DMRT1: variants seen among roughly 807,000 people sequenced by gnomAD.
DMRT1 encodes the protein doublesex and mab-3 related transcription factor 1.
DMRT1 carries 7 observed loss-of-function variants against 32.3 expected under a neutral mutation model. The ratio of observed to expected loss-of-function variants is 0.22; its 90% CI spans 0.12 to 0.41. The LOEUF (loss-of-function observed/expected upper bound fraction) is 0.41. Among genes scored for constraint, DMRT1 ranks in the 10% least tolerant of loss-of-function variants. The pLI, the probability that DMRT1 is intolerant of heterozygous loss-of-function variation, is 1.00. For synonymous variants in DMRT1, 278 were observed against 206.1 expected, an observed-to-expected ratio of 1.35 and a Z score of -2.99; for missense variants, 625 against 500.5, an observed-to-expected ratio of 1.25 and a Z score of -2.37.
At chr9:924,590 G>C (rs376072475) in intron 4 of DMRT1, among the ~76,000 whole-genome samples, 3 of 152,226 alleles carry the variant, frequency 2.0e-5, no homozygotes, top group East Asian at 1.9e-4. Context: ...AATGATTACT[G>C]TCATTAAGGA....
At chr9:877,302 G>T (rs1036118363) in intron 2 of DMRT1, among the ~76,000 whole-genome samples, 1 of 152,182 alleles carries the variant, frequency 6.6e-6, no homozygotes, top group African/African-American at 2.4e-5. Context: ...AACAGGTTTT[G>T]AACCGTGTAA....
chr9:964,444 C>G (rs569023506), intron 4 of DMRT1, among the ~76,000 whole-genome samples: 1 of 152,152 alleles, frequency 6.6e-6, no homozygotes, highest in South Asian at 2.1e-4. Flanking sequence ...GGGTCAGCCT[C>G]GGAGGTTTAC....
At chr9:945,724 TA>T (rs950442314) in intron 4 of DMRT1, among the ~76,000 whole-genome samples, 2 of 147,344 alleles carry the variant, frequency 1.4e-5, no homozygotes, top group Non-Finnish European at 3.0e-5. Flanking sequence ...GTTGCTTTTT[TA>T]AAAAAAAATA....
intron 2 of DMRT1, among the ~76,000 whole-genome samples, chr9:879,954 T>C (rs1816664479): frequency 6.6e-6 from 1 of 152,218 alleles, no homozygotes; most frequent in African/African-American, 2.4e-5. Context: ...GTTAGAATAA[T>C]CTTCAAGTTT....
chr9:914,733 C>T (rs948922833), intron 3 of DMRT1, among the ~76,000 whole-genome samples: 3 of 152,092 alleles, frequency 2.0e-5, no homozygotes, highest in Non-Finnish European at 2.9e-5. Context: ...GAAATAATCA[C>T]CTGTAATGGT....
At position 876,082 on chromosome 9, in the gene DMRT1, T is replaced by G. The variant is rs1209029217; in HGVS notation, c.539-17830T>G. Among the ~76,000 whole-genome samples, 8 of 152,274 alleles carry G rather than the reference T, an allele frequency of 5.3e-5. No individual in the cohort carries two copies. In the East Asian group the frequency reaches 1.5e-3, roughly 29 times the overall value. ...TTATCCCTGTGGTTAGTGGTAGATT[T>G]GGTGGAGCAGTTAGCCCTAGGGACA... On this transcript the variant is annotated intron_variant, in intron 2 of 4. Coordinates refer to ENST00000382276, the MANE Select transcript of DMRT1 (RefSeq NM_021951.3).
intron 2 of DMRT1, among the ~76,000 whole-genome samples, chr9:852,732 C>G (rs1815210861): frequency 6.6e-6 from 1 of 152,220 alleles, no homozygotes; most frequent in African/African-American, 2.4e-5. Context: ...CACATTCACC[C>G]TCCCCCAGAT....
At chr9:856,061 C>T (rs1405658650) in intron 2 of DMRT1, among the ~76,000 whole-genome samples, 14 of 152,076 alleles carry the variant, frequency 9.2e-5, no homozygotes, top group South Asian at 4.2e-4. Flanking sequence ...GGATTACAGG[C>T]GCCCGCCACC....
intron 2 of DMRT1, among the ~76,000 whole-genome samples, chr9:852,103 A>C (rs1378378136): frequency 2.0e-5 from 3 of 151,544 alleles, no homozygotes; most frequent in African/African-American, 7.3e-5. Flanking sequence ...CCACCCGTTT[A>C]ATTTTTGTAT....
At chr9:929,464 G>C (rs1818636252) in intron 4 of DMRT1, among the ~76,000 whole-genome samples, 1 of 152,006 alleles carries the variant, frequency 6.6e-6, no homozygotes, top group Non-Finnish European at 1.5e-5. Context: ...CTCTTATTTT[G>C]ATTGATGTTG....
At chr9:896,337 G>A (rs1007064825) in intron 3 of DMRT1, among the ~76,000 whole-genome samples, 1 of 137,820 alleles carries the variant, frequency 7.3e-6, no homozygotes, top group Non-Finnish European at 1.5e-5. Context: ...CGCCCAGGCT[G>A]GTGCGATCTT....
At chr9:884,516 G>A (rs940864799) in intron 2 of DMRT1, among the ~76,000 whole-genome samples, 9 of 152,168 alleles carry the variant, frequency 5.9e-5, no homozygotes, top group Non-Finnish European at 1.0e-4. Context: ...GCATCTGAGG[G>A]GAGACAGTGA....
chr9:881,443 T>C (rs183626341), intron 2 of DMRT1, among the ~76,000 whole-genome samples: 102 of 152,330 alleles, frequency 6.7e-4, no homozygotes, highest in African/African-American at 2.3e-3. Context: ...AAAACATCTA[T>C]GATCTTACTA....
chr9:863,906 G>C (rs955246156), intron 2 of DMRT1, among the ~76,000 whole-genome samples: 7 of 152,150 alleles, frequency 4.6e-5, no homozygotes, highest in African/African-American at 1.4e-4. Flanking sequence ...CCAACATCAA[G>C]AATTTCCTTA....
At chr9:912,757 G>T (rs755113292) in intron 3 of DMRT1, among the ~76,000 whole-genome samples, 3 of 152,030 alleles carry the variant, frequency 2.0e-5, no homozygotes, top group Non-Finnish European at 4.4e-5. Flanking sequence ...GTTGGTAATT[G>T]TAGAGCACTG....
At chr9:898,058 AG>A (rs112498456) in intron 3 of DMRT1, among the ~76,000 whole-genome samples, 12,680 of 152,222 alleles carry the variant, frequency 0.083, 810 homozygotes, top group African/African-American at 0.16. Flanking sequence ...CTAATGTTGA[AG>A]GGAGAGAAAC....
chr9:917,100 T>C (rs1818209274), intron 4 of DMRT1, among the ~76,000 whole-genome samples, 193 bp downstream of exon 4: 1 of 152,336 alleles, frequency 6.6e-6, no homozygotes, highest in East Asian at 1.9e-4. Flanking sequence ...CTTAATATCA[T>C]GTTTTTTTTC....
intron 2 of DMRT1, among the ~76,000 whole-genome samples, chr9:858,842 C>G (rs1438523688): frequency 8.6e-6 from 1 of 115,898 alleles, no homozygotes; most frequent in Non-Finnish European, 1.8e-5. Context: ...CCATTGCACT[C>G]CAGTCTGTCT....
At chr9:900,053 A>G (rs956069227) in intron 3 of DMRT1, among the ~76,000 whole-genome samples, 1 of 152,218 alleles carries the variant, frequency 6.6e-6, no homozygotes, top group Non-Finnish European at 1.5e-5. Flanking sequence ...TCCAGAGCCC[A>G]CCATGTGCTG....
Sources: allele counts gnomAD v4.1 joint callset (sites outside exome capture counted in the v4.1 genomes callset), GRCh38; gene constraint gnomAD v4.1.1; transcripts MANE v1.5; gene names NCBI Gene and HGNC (gene_info 2026-07-23, HGNC 2026-07-21).